The following PATJ variants were observed in gnomAD, a reference collection of about 807,000 sequenced individuals.
PATJ encodes PATJ crumbs cell polarity complex component, also known as inaD-like protein.
PATJ carries 190 observed loss-of-function variants against 224.9 expected under a neutral mutation model. That is an observed-to-expected ratio of 0.84 (90% CI 0.75 to 0.95). The LOEUF (loss-of-function observed/expected upper bound fraction) is 0.95. Among genes scored for constraint, PATJ ranks in the 40% least tolerant of loss-of-function variants. The probability of loss-of-function intolerance (pLI) is 0.00; values close to 1 mark genes in which losing one functional copy is unlikely to be tolerated. For missense variants in PATJ, 2,121 were observed against 2,270.3 expected, an observed-to-expected ratio of 0.93 and a Z score of 1.34; for synonymous variants, 769 against 820.3, an observed-to-expected ratio of 0.94 and a Z score of 1.07.
At chr1:61,798,173 A>G (rs893663793) in intron 11 of PATJ, among the ~76,000 whole-genome samples, 3 of 151,958 alleles carry the variant, frequency 2.0e-5, no homozygotes, top group African/African-American at 7.2e-5. Flanking sequence ...TTTGAAGTAT[A>G]CTGAGAGAAA....
In PATJ at chr1:62,018,294, A is replaced by G. The variant is rs1445780880; in HGVS notation, c.3959+347A>G. On this transcript the variant is annotated intron_variant, in intron 29 of 43. Coordinates refer to ENST00000642238, the MANE Select transcript of PATJ (RefSeq NM_001350145.3). The surrounding 1 kb of genome is among the most constrained non-coding windows in gnomAD (Gnocchi z 4.2). Reference sequence around the variant, plus strand: ...ATTTGGTACATTTGCTGAATCATTAATGTCTTCATTAAAGAACAAACAGGA... The same window carrying G: ...ATTTGGTACATTTGCTGAATCATTAGTGTCTTCATTAAAGAACAAACAGGA... 6.6e-6 allele frequency among the ~76,000 whole-genome samples: 1 copy of G among 152,224 alleles called. No individual in the cohort carries two copies. The highest frequency in any genetic ancestry group is 6.5e-5 in the Admixed American group (1 of 15,282).
chr1:61,827,375 T>C, intron 15 of PATJ, 47 bp from the exon 16 acceptor site: 5 of 1,472,434 alleles, frequency 3.4e-6, no homozygotes, highest in Non-Finnish European at 4.5e-6. Flanking sequence ...TTTTTGTTTT[T>C]TCATTTGGGG....
intron 18 of PATJ, among the ~76,000 whole-genome samples, chr1:61,858,102 C>T (rs1486576340): frequency 6.6e-6 from 1 of 152,104 alleles, no homozygotes; most frequent in Admixed American, 6.5e-5. Flanking sequence ...TTAATTAGCT[C>T]ACAGTTCTAC....
chr1:61,891,207 A>G (rs1487442866), intron 22 of PATJ, among the ~76,000 whole-genome samples: 1 of 152,158 alleles, frequency 6.6e-6, no homozygotes, highest in Non-Finnish European at 1.5e-5. Context: ...CAGGTATTGG[A>G]CACTTTGTTA....
At chr1:62,054,394 G>C in intron 31 of PATJ, 1 of 426,586 alleles carries the variant, frequency 2.3e-6, no homozygotes, top group Non-Finnish European at 4.7e-6. Context: ...CAGAGCTGAG[G>C]CTAAGCCGTG....
Position 61,990,238 on chromosome 1 carries a change from T to G in PATJ, c.3741T>G (p.Asn1247Lys). 1 of 1,613,892 alleles carries G rather than the reference T, an allele frequency of 6.2e-7. No homozygotes were observed. The highest frequency in any genetic ancestry group is 8.5e-7 in the Non-Finnish European group (1 of 1,179,840). The change falls in exon 28 of 44, where the codon AAT becomes AAG. Residue 1247 changes from asparagine to lysine, a missense_variant. Transcript: ENST00000642238. ...TTATTGAACTTGAAAAAGATAAGAATGGACTTGGACTCAGCCTTGCTGGTA... is the reference window on the plus strand; with the variant it reads ...TTATTGAACTTGAAAAAGATAAGAAGGGACTTGGACTCAGCCTTGCTGGTA... The part of the protein sequence containing the change: ...LHIIELEKDK[N>K]GLGLSLAGNK...
chr1:62,144,773 A>T (rs913682332), intron 41 of PATJ, among the ~76,000 whole-genome samples: 10,536 of 80,894 alleles, frequency 0.13, 1,170 homozygotes, highest in East Asian at 0.55. Context: ...TTGCAAAAAA[A>T]AAAAATATAT....
intron 7 of PATJ, among the ~76,000 whole-genome samples, chr1:61,783,409 C>CTTTCT (rs1647756758): frequency 6.8e-6 from 1 of 146,442 alleles, no homozygotes; most frequent in Non-Finnish European, 1.5e-5. Flanking sequence ...TTTTTTTTTC[C>CTTTCT]TTTCTTTTCT....
At chr1:62,046,134 C>T (rs562783273) in intron 30 of PATJ, among the ~76,000 whole-genome samples, 4 of 150,128 alleles carry the variant, frequency 2.7e-5, no homozygotes, top group East Asian at 2.0e-4. Flanking sequence ...CCCAAGAGGT[C>T]GAGGCTTCAG....
chr1:61,773,657 CAT>C (rs1646744430), intron 6 of PATJ, among the ~76,000 whole-genome samples: 3 of 151,904 alleles, frequency 2.0e-5, no homozygotes, highest in Non-Finnish European at 4.4e-5. Context: ...CGTGGTGGTG[CAT>C]GCTTGTAATC....
At position 61,952,326 on chromosome 1, in the gene PATJ, A is replaced by T. The variant is rs1679835680; in HGVS notation, c.3670+24497A>T. The T allele has an allele frequency of 4.3e-6, 3 of 690,138 alleles. No homozygotes were observed. The South Asian group carries it at 4.6e-5, about 11-fold the overall frequency. 42.8% of individuals were successfully genotyped at this position (690,138 alleles called of 1,614,324 possible). A position where few individuals can be genotyped will look rare whatever the true frequency, so the allele number is the denominator to read the frequency against. On this transcript the variant is annotated intron_variant, in intron 27 of 43. Coordinates refer to ENST00000642238, the MANE Select transcript of PATJ (RefSeq NM_001350145.3). The stretch of plus-strand genomic sequence containing the variant: ...GAAGAGAGAGGAGTCTGTGGTGAGG[A>T]TTTGAGCTGCGTCCAGCATTGGATA...
chr1:61,925,614 G>T (rs1322323318), intron 26 of PATJ, among the ~76,000 whole-genome samples: 1 of 152,142 alleles, frequency 6.6e-6, no homozygotes, highest in African/African-American at 2.4e-5. Flanking sequence ...CATCTCTGAG[G>T]CATCACAATT....
chr1:61,904,802 G>A (rs1041818168), intron 24 of PATJ, among the ~76,000 whole-genome samples: 4 of 152,166 alleles, frequency 2.6e-5, no homozygotes, highest in Non-Finnish European at 4.4e-5. Flanking sequence ...GTTTCTTGAT[G>A]TCTATAAATA....
At chr1:61,898,727 A>C (rs1416297691) in intron 22 of PATJ, among the ~76,000 whole-genome samples, 1 of 152,198 alleles carries the variant, frequency 6.6e-6, no homozygotes, top group Non-Finnish European at 1.5e-5. Flanking sequence ...TCTATTCACT[A>C]TTGCATTAAT....
chr1:62,116,740 C>T (rs1664486166), intron 36 of PATJ, 61 bp downstream of exon 36: 1 of 1,484,188 alleles, frequency 6.7e-7, no homozygotes, highest in African/African-American at 1.4e-5. Context: ...GGAACTGTTC[C>T]AGTCTAGCTT....
chr1:62,128,996 C>CA, intron 41 of PATJ, 51 bp downstream of exon 41: 1 of 1,259,870 alleles, frequency 7.9e-7, no homozygotes, highest in Middle Eastern at 1.9e-4. Context: ...AAGTGGCATG[C>CA]AAAAAAGATT....
intron 30 of PATJ, among the ~76,000 whole-genome samples, chr1:62,043,660 A>C (rs1235358250): frequency 6.6e-6 from 1 of 152,126 alleles, no homozygotes; most frequent in Non-Finnish European, 1.5e-5. Context: ...TTTAAAAACT[A>C]AATTGATAAA....
chr1:61,820,466 C>G (rs1282354621), intron 14 of PATJ, among the ~76,000 whole-genome samples: 1 of 152,204 alleles, frequency 6.6e-6, no homozygotes, highest in Non-Finnish European at 1.5e-5. Flanking sequence ...CCTCAGCCTC[C>G]CGAATAGCTG....
chr1:61,801,935 T>C (rs549337659), intron 12 of PATJ, among the ~76,000 whole-genome samples, 166 bp downstream of exon 12: 1 of 150,704 alleles, frequency 6.6e-6, no homozygotes, highest in East Asian at 2.0e-4. Flanking sequence ...CTTTTTTTTT[T>C]CTTTTTTTTT....
Sources: allele counts gnomAD v4.1 joint callset (sites outside exome capture counted in the v4.1 genomes callset), GRCh38; gene constraint gnomAD v4.1.1; non-coding constraint Gnocchi (gnomAD v3.1); transcripts MANE v1.5; gene names NCBI Gene and HGNC (gene_info 2026-07-23, HGNC 2026-07-21).